Variants in NTM observed in about 807,000 individuals in gnomAD.
The protein encoded by NTM is neurotrimin.
NTM carries 13 observed loss-of-function variants against 42.1 expected under a neutral mutation model. That is an observed-to-expected ratio of 0.31 (90% CI 0.20 to 0.49). NTM has a LOEUF of 0.49. Among genes scored for constraint, NTM ranks in the 20% least tolerant of loss-of-function variants. The pLI is 0.99. For missense variants in NTM, 373 were observed against 452.8 expected (o/e 0.82, Z 1.60); for synonymous variants, 187 against 179.2 (o/e 1.04, Z -0.35).
intron 1 of NTM, among the ~76,000 whole-genome samples, chr11:131,612,625 G>T (rs1293825966): frequency 1.3e-5 from 2 of 152,236 alleles, no homozygotes; most frequent in African/African-American, 4.8e-5. Context: ...AATTGAAATT[G>T]CAGACAGTTA....
At chr11:132,267,592 G>T (rs2093266828) in intron 4 of NTM, among the ~76,000 whole-genome samples, 1 of 151,574 alleles carries the variant, frequency 6.6e-6, no homozygotes, top group Admixed American at 6.6e-5. Flanking sequence ...GAGGTGGGTG[G>T]ATCACCTGAG....
intron 4 of NTM, among the ~76,000 whole-genome samples, chr11:132,287,539 A>C (rs1204053565): frequency 6.6e-6 from 1 of 152,212 alleles, no homozygotes; most frequent in East Asian, 1.9e-4. Context: ...GATCTGGTTT[A>C]TATTTAAAAA....
rs562342178 is a variant in NTM at position 131,550,945 on chromosome 11, C to T, written c.82+180057C>T. Among the ~76,000 whole-genome samples the T allele has an allele frequency of 1.1e-4, 17 of 152,256 alleles. No individual in the cohort carries two copies. The South Asian group carries it at 2.9e-3, about 26-fold the overall frequency. On this transcript the variant is annotated intron_variant, in intron 1 of 8. Coordinates refer to ENST00000683400, the MANE Select transcript of NTM (RefSeq NM_001352005.2). ...TTACGTAGTTTGTTAATGCTGTTGC[C>T]CTGCTGGCTGTGGATGAGCCTAGAT...
At chr11:132,262,894 C>A (rs2139566522) in intron 4 of NTM, among the ~76,000 whole-genome samples, 1 of 152,296 alleles carries the variant, frequency 6.6e-6, no homozygotes. Context: ...GACAAAATTT[C>A]TTTGCAGCTG....
chr11:132,142,863 G>A (rs1364194989), intron 2 of NTM, among the ~76,000 whole-genome samples: 2 of 152,154 alleles, frequency 1.3e-5, no homozygotes, highest in Non-Finnish European at 2.9e-5. Flanking sequence ...GTTGGGGGAC[G>A]GCTTCCGTTT....
chr11:131,951,595 G>A (rs538678512), intron 2 of NTM, among the ~76,000 whole-genome samples: 4 of 152,194 alleles, frequency 2.6e-5, no homozygotes, highest in East Asian at 1.9e-4. Context: ...AGGCTGAGGC[G>A]GGAGGATCAT....
At chr11:131,809,165 T>C (rs1377511024) in intron 1 of NTM, among the ~76,000 whole-genome samples, 1 of 152,242 alleles carries the variant, frequency 6.6e-6, no homozygotes, top group African/African-American at 2.4e-5. Flanking sequence ...TGGTGATAGA[T>C]GCTCAACACT....
intron 1 of NTM, among the ~76,000 whole-genome samples, chr11:131,807,582 A>T (rs1208038272): frequency 6.6e-6 from 1 of 152,170 alleles, no homozygotes; most frequent in Non-Finnish European, 1.5e-5. Flanking sequence ...GCCCACTCAC[A>T]GTATTGGAGG....
Position 131,795,128 on chromosome 11 carries a change from T to C in NTM, c.83-116436T>C, listed in dbSNP as rs1286778647. On this transcript the variant is annotated intron_variant, in intron 1 of 8. Transcript: ENST00000683400. The stretch of plus-strand genomic sequence containing the variant: ...CTTTACTTTTTCATTAAAAGTATTG[T>C]ATTAAAGTATGCATCTCAATCGCTG... The C allele has an allele frequency of 1.3e-5, 6 of 458,680 alleles. No homozygotes were observed. The East Asian group carries it at 9.3e-4, about 71-fold the overall frequency. 28.4% of individuals were successfully genotyped at this position (458,680 alleles called of 1,614,324 possible).
chr11:131,813,769 G>T (rs911014034), intron 1 of NTM, among the ~76,000 whole-genome samples: 3 of 152,090 alleles, frequency 2.0e-5, no homozygotes, highest in Admixed American at 6.6e-5. Flanking sequence ...TGATGCAATT[G>T]GCAGTATAAC....
At position 131,440,500 on chromosome 11, in the gene NTM, G is replaced by C. The variant is rs1055555162; in HGVS notation, c.82+69612G>C. Among the ~76,000 whole-genome samples the C allele has an allele frequency of 3.3e-5, 5 of 152,150 alleles. No homozygotes were observed. The East Asian group carries it at 7.8e-4, about 24-fold the overall frequency. ...TATTACCAAGTGGTTCTCAAACTTA[G>C]ACATGCATCAGAATCCCTGGGGAGC... On this transcript the variant is annotated intron_variant, in intron 1 of 8. Transcript: ENST00000683400.
intron 1 of NTM, among the ~76,000 whole-genome samples, chr11:131,667,090 G>T (rs1461283961): frequency 6.6e-6 from 1 of 152,152 alleles, no homozygotes; most frequent in Non-Finnish European, 1.5e-5. Flanking sequence ...GAAGTAAGTG[G>T]GTTTCAGGGC....
rs375044545 is a variant in NTM at position 131,720,795 on chromosome 11, A to G, written c.83-190769A>G. Among the ~76,000 whole-genome samples the G allele has an allele frequency of 1.4e-4, 22 of 152,256 alleles. 1 individual carries two copies. The highest frequency in any genetic ancestry group is 1.0e-3 in the Admixed American group (16 of 15,302). ...TCTCATTCCGTCTCTACCACTTACT[A>G]TCTGTAAGATCTTGGGTAAATTACC... On this transcript the variant is annotated intron_variant, in intron 1 of 8. Transcript: ENST00000683400.
chr11:132,167,126 A>C (rs1349735317), intron 3 of NTM, among the ~76,000 whole-genome samples: 1 of 152,210 alleles, frequency 6.6e-6, no homozygotes, highest in Non-Finnish European at 1.5e-5. Context: ...AAATGAGCTT[A>C]GCGCTTGCTG....
intron 4 of NTM, among the ~76,000 whole-genome samples, chr11:132,219,748 G>C (rs1263696853): frequency 6.6e-6 from 1 of 152,012 alleles, no homozygotes; most frequent in African/African-American, 2.4e-5. Flanking sequence ...CCAATGGAAA[G>C]CTCCTGGCCC....
At chr11:131,848,938 A>G (rs1048011385) in intron 1 of NTM, among the ~76,000 whole-genome samples, 2 of 152,228 alleles carry the variant, frequency 1.3e-5, no homozygotes, top group Non-Finnish European at 2.9e-5. Context: ...AGGGTATCGT[A>G]AATAATTCTT....
At chr11:132,309,345 C>G (rs961687399) in intron 5 of NTM, among the ~76,000 whole-genome samples, 9 of 152,326 alleles carry the variant, frequency 5.9e-5, no homozygotes, top group African/African-American at 2.2e-4. Flanking sequence ...CCAAGAATGA[C>G]TGATCTGTAT....
chr11:132,222,011 G>T (rs1335045866), intron 4 of NTM, among the ~76,000 whole-genome samples: 1 of 152,136 alleles, frequency 6.6e-6, no homozygotes, highest in Non-Finnish European at 1.5e-5. Flanking sequence ...CCCGGTCTTT[G>T]GGTTATGCAC....
At chr11:132,294,288 G>A (rs569928734) in intron 4 of NTM, among the ~76,000 whole-genome samples, 4 of 151,854 alleles carry the variant, frequency 2.6e-5, no homozygotes, top group Admixed American at 6.6e-5. Flanking sequence ...CACTCCCCTC[G>A]CCTTCCCCTC....
Sources: gnomAD v4.1 joint callset for allele counts (sites outside exome capture counted in the v4.1 genomes callset) on GRCh38, gnomAD v4.1.1 for gene constraint, MANE v1.5 for transcripts, NCBI Gene and HGNC (gene_info 2026-07-23, HGNC 2026-07-21) for gene names.